The following KLF3 variants were observed in gnomAD, a reference collection of about 807,000 sequenced individuals.
KLF3 encodes Krueppel-like factor 3.
In KLF3, 6 loss-of-function variants were observed where a neutral mutation model predicts 32.7. That is an observed-to-expected ratio of 0.18 (90% CI 0.10 to 0.36). The LOEUF (loss-of-function observed/expected upper bound fraction) is 0.36, where lower values mean the gene tolerates loss of function less well. Ranked by LOEUF, KLF3 falls within the 10% of genes least tolerant of loss-of-function variation. The pLI is 1.00. For synonymous variants in KLF3, 145 were observed against 172.8 expected (o/e 0.84, Z 1.26); for missense variants, 338 against 449.7 (o/e 0.75, Z 2.25).
At chr4:38,675,681 C>A (rs1422652572) in intron 1 of KLF3, among the ~76,000 whole-genome samples, 1 of 152,154 alleles carries the variant, frequency 6.6e-6, no homozygotes, top group Non-Finnish European at 1.5e-5. Flanking sequence ...GATTTACTGC[C>A]GGTGTCCTGG....
chr4:38,693,801 G>T (rs1187117402), intron 4 of KLF3, among the ~76,000 whole-genome samples: 3 of 152,172 alleles, frequency 2.0e-5, no homozygotes, highest in Admixed American at 6.5e-5. Flanking sequence ...ATCAGCAGGG[G>T]AAGCCTGAGG....
chr4:38,687,957 G>T (rs1722751066), intron 2 of KLF3, among the ~76,000 whole-genome samples: 1 of 152,104 alleles, frequency 6.6e-6, no homozygotes, highest in South Asian at 2.1e-4. Flanking sequence ...TAGGATTGTT[G>T]GCCAGTCCTA....
chr4:38,678,410 T>TG, intron 1 of KLF3, among the ~76,000 whole-genome samples: 1 of 152,220 alleles, frequency 6.6e-6, no homozygotes, highest in East Asian at 1.9e-4. Context: ...CACTGGCTGT[T>TG]GCGGTTAGTT....
Position 38,697,423 on chromosome 4 carries a change from A to T in KLF3, c.*160A>T, listed in dbSNP as rs189476752. 489 of 610,822 alleles carry T rather than the reference A, an allele frequency of 8.0e-4. No individual in the cohort carries two copies. Among genetic ancestry groups the T allele is most frequent in the African/African-American group, 7.8e-3 (420 of 53,900 alleles). The allele number at this position is 610,822 out of a possible 1,614,324, so 37.8% of individuals were successfully genotyped here. A position where few individuals can be genotyped will look rare whatever the true frequency, so the allele number is the denominator to read the frequency against. On this transcript the variant is annotated 3_prime_UTR_variant, in exon 6 of 6. Coordinates refer to ENST00000261438, the MANE Select transcript of KLF3 (RefSeq NM_016531.6). ...CATCCAAAACTTCCATATGGTCAGT[A>T]GTAGATGTTCTCTAATCCTCCCTCT...
chr4:38,680,405 G>T (rs1352259717), intron 1 of KLF3, among the ~76,000 whole-genome samples, 182 bp from the exon 2 acceptor site: 1 of 151,916 alleles, frequency 6.6e-6, no homozygotes, highest in East Asian at 1.9e-4. Context: ...GTGGAGACGG[G>T]GTTTCACCAT....
chr4:38,675,896 T>A (rs1722331770), intron 1 of KLF3, among the ~76,000 whole-genome samples: 1 of 152,200 alleles, frequency 6.6e-6, no homozygotes, highest in African/African-American at 2.4e-5. Context: ...TACTTCTCAG[T>A]TATGTGGAAG....
intron 2 of KLF3, among the ~76,000 whole-genome samples, chr4:38,683,906 G>A (rs925137015): frequency 1.3e-5 from 2 of 152,110 alleles, no homozygotes; most frequent in Non-Finnish European, 2.9e-5. Context: ...TTTCAAGCCT[G>A]GTGGAAAGAG....
At chr4:38,670,307 C>T (rs1722164935) in intron 1 of KLF3, among the ~76,000 whole-genome samples, 1 of 152,190 alleles carries the variant, frequency 6.6e-6, no homozygotes, top group Admixed American at 6.5e-5. Flanking sequence ...TCTGGGACAT[C>T]CTCAGGATGG....
Position 38,681,320 on chromosome 4 carries a change from A to G in KLF3, c.57+638A>G, listed in dbSNP as rs544226594. Among the ~76,000 whole-genome samples, 94 of 152,326 alleles carry G rather than the reference A, an allele frequency of 6.2e-4. No homozygotes were observed. The Middle Eastern group carries it at 0.01, about 17-fold the overall frequency. Reference sequence around the variant, plus strand: ...CTTTTGTGTGTAAAAATATATTAAGAATAGGATGATTTGCTTAAAAACCAA... The same window carrying G: ...CTTTTGTGTGTAAAAATATATTAAGGATAGGATGATTTGCTTAAAAACCAA... On this transcript the variant is annotated intron_variant, in intron 2 of 5. Coordinates refer to ENST00000261438, the MANE Select transcript of KLF3 (RefSeq NM_016531.6).
intron 1 of KLF3, among the ~76,000 whole-genome samples, chr4:38,679,698 G>C (rs1722458250): frequency 6.6e-6 from 1 of 152,182 alleles, no homozygotes; most frequent in Non-Finnish European, 1.5e-5. Flanking sequence ...TGATGGTGCA[G>C]AACCATACTT....
intron 1 of KLF3, among the ~76,000 whole-genome samples, chr4:38,679,906 A>G (rs983141357): frequency 3.9e-5 from 6 of 152,138 alleles, no homozygotes; most frequent in African/African-American, 1.4e-4. Context: ...TGCGACCAAC[A>G]TCGGGGAAAA....
In KLF3 at chr4:38,688,595, C is replaced by G; in HGVS notation, c.68C>G (p.Ser23Cys). Residue 23 changes from serine (S) to cysteine (C), a missense_variant, in exon 3 of 6, where the codon TCT becomes TGT. Physicochemically the swap from Ser to Cys is moderately radical, Grantham distance 112 (BLOSUM62 -1). This residue lies in a region of KLF3 where 272 missense variants were observed against 313.4 expected (regional missense o/e 0.87). Coordinates refer to ENST00000261438, the MANE Select transcript of KLF3 (RefSeq NM_016531.6). The surrounding 1 kb of genome is among the most constrained non-coding windows in gnomAD (Gnocchi z 4.9). ...AMDPVSVSYP[S>C]NYMESMKPNK... ...TTTCTTTTCTAATAGTCATACCCAT[C>G]TAATTACATGGAATCCATGAAGCCT... 1 of 1,601,158 alleles carries G rather than the reference C, an allele frequency of 6.2e-7. No individual in the cohort carries two copies. Among genetic ancestry groups the G allele is most frequent in the Non-Finnish European group, 8.5e-7 (1 of 1,169,642 alleles).
intron 2 of KLF3, among the ~76,000 whole-genome samples, chr4:38,687,402 G>A (rs1163534259): frequency 1.3e-5 from 2 of 152,220 alleles, no homozygotes; most frequent in Non-Finnish European, 2.9e-5. Flanking sequence ...TAATTTAGGT[G>A]AACTCCATGG....
chr4:38,671,245 A>G lies in KLF3; in HGVS notation c.-40+6784A>G, dbSNP rs7656344. Among the ~76,000 whole-genome samples the G allele has an allele frequency of 3.5e-3, 539 of 152,290 alleles. 3 individuals are homozygous for G. The highest frequency in any genetic ancestry group is 0.012 in the African/African-American group (508 of 41,554). On this transcript the variant is annotated intron_variant, in intron 1 of 5. Coordinates refer to ENST00000261438, the MANE Select transcript of KLF3 (RefSeq NM_016531.6). This position sits in a 1 kb window ranked among gnomAD's most constrained non-coding sequence, Gnocchi z 4.4. ...TCTGTTCCTCCATTTCCTCATTTCT[A>G]AAATGGGGATGAGGACCTGACCCTT...
At position 38,689,741 on chromosome 4, in the gene KLF3, A is replaced by G. The variant is rs758824666; in HGVS notation, c.557A>G (p.Glu186Gly). The G allele has an allele frequency of 6.3e-7, 1 of 1,583,980 alleles. No homozygotes were observed. The highest frequency in any genetic ancestry group is 1.2e-5 in the South Asian group (1 of 86,218). Residue 186 changes from glutamate (E) to glycine (G), a missense_variant, in exon 4 of 6, where the codon GAA (glutamate) becomes GGA (glycine). Glu to Gly is a moderately conservative substitution (Grantham distance 98). This residue lies in a region of KLF3 where 272 missense variants were observed against 313.4 expected (regional missense o/e 0.87). Coordinates refer to ENST00000261438, the MANE Select transcript of KLF3 (RefSeq NM_016531.6). ...SSSSMQVPVI[E>G]SYEKPISQKK... ...TTTTATTTTTTAGTACCTGTAATTGAATCATATGAGAAGCCTATATCACAG... is the reference window on the plus strand; with the variant it reads ...TTTTATTTTTTAGTACCTGTAATTGGATCATATGAGAAGCCTATATCACAG...
rs1006261781 is a variant in KLF3, at chr4:38,696,201, A to C, written c.857-881A>C. Among the ~76,000 whole-genome samples, 149 of 151,880 alleles carry C rather than the reference A, an allele frequency of 9.8e-4. 1 individual carries two copies. Among genetic ancestry groups the C allele is most frequent in the African/African-American group, 3.2e-3 (133 of 41,462 alleles). On this transcript the variant is annotated intron_variant, in intron 5 of 5. Coordinates refer to ENST00000261438, the MANE Select transcript of KLF3 (RefSeq NM_016531.6). Reference sequence around the variant, plus strand: ...TTAGATGTAGGAAAAAAAAAAAAAAAAAAAAAACGCCTCTTTGTGTGTGTA... The same window carrying C: ...TTAGATGTAGGAAAAAAAAAAAAAACAAAAAAACGCCTCTTTGTGTGTGTA...
At chr4:38,682,562 T>C (rs189941806) in intron 2 of KLF3, among the ~76,000 whole-genome samples, 2 of 152,332 alleles carry the variant, frequency 1.3e-5, no homozygotes, top group Admixed American at 1.3e-4. Flanking sequence ...CAGTGAGGCA[T>C]TTTACTGTTC....
At chr4:38,676,403 T>G (rs1722350797) in intron 1 of KLF3, among the ~76,000 whole-genome samples, 1 of 152,196 alleles carries the variant, frequency 6.6e-6, no homozygotes, top group Non-Finnish European at 1.5e-5. Context: ...ATCGTTCCAC[T>G]GCACTCCAGC....
intron 1 of KLF3, among the ~76,000 whole-genome samples, chr4:38,672,220 CTATAAGCTAAGTGCTCT>C (rs1722216752): frequency 6.6e-6 from 1 of 152,172 alleles, no homozygotes; most frequent in South Asian, 2.1e-4. Context: ...GGAACTCCTA[CTATAAGCTAAGTGCTCT>C]TATGTTAGCT....
Sources: gnomAD v4.1 joint callset for allele counts (sites outside exome capture counted in the v4.1 genomes callset) on GRCh38, gnomAD v4.1.1 for gene constraint, gnomAD v4.1.1 regional missense constraint, Gnocchi (gnomAD v3.1) non-coding constraint, MANE v1.5 for transcripts, NCBI Gene and HGNC (gene_info 2026-07-23, HGNC 2026-07-21) for gene names.